The following RBFOX1 variants were observed in gnomAD, a reference collection of about 807,000 sequenced individuals.
RBFOX1 encodes the protein RNA binding protein fox-1 homolog 1.
Under a neutral mutation model 57.7 loss-of-function variants are expected in RBFOX1, and 8 were observed. That is an observed-to-expected ratio of 0.14 (90% CI 0.08 to 0.25). The LOEUF is 0.25. Among genes scored for constraint, RBFOX1 ranks in the 10% least tolerant of loss-of-function variants. RBFOX1 has a pLI of 1.00. For missense variants in RBFOX1, 611 were observed against 548.5 expected (o/e 1.11, Z -1.14); for synonymous variants, 326 against 222.4 (o/e 1.47, Z -4.15).
chr16:5,865,320 C>G (rs924667796), intron 3 of RBFOX1, among the ~76,000 whole-genome samples: 3 of 152,126 alleles, frequency 2.0e-5, no homozygotes, highest in African/African-American at 4.8e-5. Flanking sequence ...ATGGAATCAG[C>G]TGCTTTCCCA....
intron 4 of RBFOX1, among the ~76,000 whole-genome samples, chr16:5,949,109 G>C (rs1255808649): frequency 6.6e-6 from 1 of 152,082 alleles, no homozygotes; most frequent in African/African-American, 2.4e-5. Flanking sequence ...AACTACTAGA[G>C]TCTGTATCTA....
At chr16:7,695,097 G>T (rs546545196) in intron 14 of RBFOX1, among the ~76,000 whole-genome samples, 3 of 152,246 alleles carry the variant, frequency 2.0e-5, no homozygotes, top group African/African-American at 7.2e-5. Context: ...AATCTAGATG[G>T]CTGCTCAGTA....
chr16:6,600,630 A>T (rs1340706606), intron 2 of RBFOX1, among the ~76,000 whole-genome samples: 1 of 152,220 alleles, frequency 6.6e-6, no homozygotes, highest in Non-Finnish European at 1.5e-5. Flanking sequence ...CAGAACTGAA[A>T]CAGTGGACGG....
intron 3 of RBFOX1, among the ~76,000 whole-genome samples, chr16:6,995,859 A>G (rs1339157920): frequency 6.6e-6 from 1 of 152,244 alleles, no homozygotes; most frequent in Non-Finnish European, 1.5e-5. Flanking sequence ...AACTCAACAG[A>G]CAAGTATCTG....
At chr16:6,267,691 C>G (rs1353021484) in intron 1 of RBFOX1, among the ~76,000 whole-genome samples, 3 of 152,148 alleles carry the variant, frequency 2.0e-5, no homozygotes, top group African/African-American at 7.2e-5. Context: ...AACCAACAAT[C>G]AAAACTTCTG....
chr16:6,180,018 T>A (rs1312226053), intron 1 of RBFOX1, among the ~76,000 whole-genome samples: 1 of 152,216 alleles, frequency 6.6e-6, no homozygotes, highest in African/African-American at 2.4e-5. Flanking sequence ...GTTTTTTCCA[T>A]GTGTGGCTGC....
chr16:6,311,527 C>T (rs1181193658), intron 1 of RBFOX1, among the ~76,000 whole-genome samples: 1 of 152,102 alleles, frequency 6.6e-6, no homozygotes, highest in Non-Finnish European at 1.5e-5. Context: ...GTGTGAAATG[C>T]CTACGCCTGA....
intron 3 of RBFOX1, among the ~76,000 whole-genome samples, chr16:6,982,774 C>T (rs919689440): frequency 6.6e-6 from 1 of 152,078 alleles, no homozygotes; most frequent in Non-Finnish European, 1.5e-5. Context: ...AGGTGGATCA[C>T]CTGAGGTCAG....
chr16:6,973,219 A>G (rs1022260148), intron 3 of RBFOX1, among the ~76,000 whole-genome samples: 3 of 152,058 alleles, frequency 2.0e-5, no homozygotes, highest in Non-Finnish European at 4.4e-5. Context: ...GTTGGAGGAT[A>G]TCAGGGGTTC....
chr16:6,914,713 A>G (rs936732766), intron 3 of RBFOX1, among the ~76,000 whole-genome samples: 3 of 152,152 alleles, frequency 2.0e-5, no homozygotes, highest in African/African-American at 7.2e-5. Flanking sequence ...ATCTGTACCA[A>G]TAAGCTGAAA....
chr16:6,879,661 T>A (rs755180293), intron 3 of RBFOX1, among the ~76,000 whole-genome samples: 1 of 152,234 alleles, frequency 6.6e-6, no homozygotes, highest in Non-Finnish European at 1.5e-5. Flanking sequence ...CCAGTTGTGT[T>A]ATTTCAGTTA....
chr16:5,703,417 A>T (rs2151487009), intron 3 of RBFOX1, among the ~76,000 whole-genome samples: 1 of 152,346 alleles, frequency 6.6e-6, no homozygotes, highest in Admixed American at 6.5e-5. Context: ...GAGGGTCGGC[A>T]GGTGGGTAGG....
intron 3 of RBFOX1, among the ~76,000 whole-genome samples, chr16:7,046,254 G>GTGTGTGTC (rs1269063268): frequency 2.0e-5 from 3 of 151,810 alleles, no homozygotes; most frequent in African/African-American, 7.3e-5. Flanking sequence ...GTGTGTGTGT[G>GTGTGTGTC]TGTGTGTGTG....
intron 4 of RBFOX1, among the ~76,000 whole-genome samples, chr16:7,383,355 T>A (rs1271052220): frequency 1.3e-5 from 2 of 151,748 alleles, no homozygotes; most frequent in African/African-American, 4.8e-5. Context: ...GGCTCCCCAG[T>A]GGAGGCAAAA....
At chr16:7,330,563 C>A (rs899140810) in intron 4 of RBFOX1, among the ~76,000 whole-genome samples, 2 of 149,062 alleles carry the variant, frequency 1.3e-5, no homozygotes, top group Non-Finnish European at 3.0e-5. Context: ...TACATAAATA[C>A]AATGGATCAC....
At chr16:5,351,512 G>A (rs2065262042) in intron 1 of RBFOX1, among the ~76,000 whole-genome samples, 1 of 152,116 alleles carries the variant, frequency 6.6e-6, no homozygotes. Context: ...TCAGGAGGAG[G>A]GTCACCTGGC....
At chr16:7,170,671 AGTT>A (rs1160310593) in intron 4 of RBFOX1, among the ~76,000 whole-genome samples, 5 of 152,098 alleles carry the variant, frequency 3.3e-5, no homozygotes, top group Admixed American at 2.0e-4. Flanking sequence ...TATAATTCAG[AGTT>A]GTTTTGTTTT....
intron 9 of RBFOX1, among the ~76,000 whole-genome samples, chr16:7,601,459 G>T (rs75931278): frequency 6.6e-6 from 1 of 152,110 alleles, no homozygotes; most frequent in African/African-American, 2.4e-5. Context: ...ATGGGTAGTT[G>T]AATTCCCTGA....
At chr16:6,825,681 C>A (rs1223231640) in intron 3 of RBFOX1, among the ~76,000 whole-genome samples, 1 of 152,026 alleles carries the variant, frequency 6.6e-6, no homozygotes, top group Non-Finnish European at 1.5e-5. Flanking sequence ...GGATAGGTAA[C>A]ACAAGGAAAG....
Sources: allele counts gnomAD v4.1 joint callset (sites outside exome capture counted in the v4.1 genomes callset), GRCh38; gene constraint gnomAD v4.1.1; transcripts MANE v1.5; gene names NCBI Gene and HGNC (gene_info 2026-07-23, HGNC 2026-07-21).